Variants in PTPRT observed in about 807,000 individuals in gnomAD.
PTPRT encodes the protein protein tyrosine phosphatase receptor type T.
A neutral mutation model predicts 176.8 loss-of-function variants in PTPRT; 56 were observed. That is an observed-to-expected ratio of 0.32 (90% CI 0.26 to 0.40). PTPRT has a LOEUF of 0.40. Among genes scored for constraint, PTPRT ranks in the 10% least tolerant of loss-of-function variants. PTPRT has a pLI of 1.00. For missense variants in PTPRT, 1,540 were observed against 1,908.2 expected, an observed-to-expected ratio of 0.81 and a Z score of 3.60; for synonymous variants, 783 against 739.0, an observed-to-expected ratio of 1.06 and a Z score of -0.96.
chr20:42,934,938 C>A (rs1294301924), intron 1 of PTPRT, among the ~76,000 whole-genome samples: 1 of 151,746 alleles, frequency 6.6e-6, no homozygotes, highest in South Asian at 2.1e-4. Flanking sequence ...AAAATCTGGG[C>A]ATAGTGGCGG....
intron 15 of PTPRT, among the ~76,000 whole-genome samples, chr20:42,209,566 T>G (rs991909966): frequency 1.3e-5 from 2 of 152,110 alleles, no homozygotes; most frequent in African/African-American, 4.8e-5. Context: ...ATAAATTCCT[T>G]GACACATACA....
intron 9 of PTPRT, among the ~76,000 whole-genome samples, chr20:42,358,680 T>C (rs1361762110): frequency 6.6e-6 from 1 of 152,196 alleles, no homozygotes; most frequent in Non-Finnish European, 1.5e-5. Context: ...AGGGATGCTT[T>C]TGTGCAAAGT....
intron 1 of PTPRT, among the ~76,000 whole-genome samples, chr20:43,165,155 T>A (rs1160594071): frequency 6.7e-6 from 1 of 148,668 alleles, no homozygotes; most frequent in Non-Finnish European, 1.5e-5. Flanking sequence ...CATCTGCACA[T>A]ACTTTTTTTT....
chr20:43,094,894 T>C (rs1394951933), intron 1 of PTPRT, among the ~76,000 whole-genome samples: 1 of 151,336 alleles, frequency 6.6e-6, no homozygotes, highest in Admixed American at 6.6e-5. Context: ...GTGCACAGAG[T>C]ATGGAAGAAG....
At chr20:42,159,857 G>A (rs1036576347) in intron 17 of PTPRT, among the ~76,000 whole-genome samples, 10 of 151,934 alleles carry the variant, frequency 6.6e-5, no homozygotes, top group South Asian at 2.1e-4. Flanking sequence ...TTCTTCATTC[G>A]ACTAATAAAG....
chr20:42,598,417 T>A (rs1331269071), intron 7 of PTPRT, among the ~76,000 whole-genome samples: 1 of 152,148 alleles, frequency 6.6e-6, no homozygotes, highest in Non-Finnish European at 1.5e-5. Flanking sequence ...GTTTTTTAAA[T>A]GCGAGAGTAT....
intron 1 of PTPRT, among the ~76,000 whole-genome samples, chr20:43,027,876 A>G (rs1172873401): frequency 6.6e-6 from 1 of 152,160 alleles, no homozygotes; most frequent in Non-Finnish European, 1.5e-5. Flanking sequence ...TACCTTCTGG[A>G]ATAAATCTCA....
At chr20:42,179,495 C>T (rs866733950) in intron 16 of PTPRT, among the ~76,000 whole-genome samples, 2 of 152,164 alleles carry the variant, frequency 1.3e-5, no homozygotes, top group Non-Finnish European at 2.9e-5. Flanking sequence ...TTCCCTAAGA[C>T]AATGAATTAG....
At chr20:43,133,592 A>T (rs1179971590) in intron 1 of PTPRT, among the ~76,000 whole-genome samples, 3 of 152,050 alleles carry the variant, frequency 2.0e-5, no homozygotes, top group Non-Finnish European at 4.4e-5. Context: ...CTAAAAATAC[A>T]AAACATTAGC....
intron 1 of PTPRT, among the ~76,000 whole-genome samples, chr20:42,981,989 G>A (rs1447987901): frequency 2.6e-5 from 4 of 152,152 alleles, no homozygotes; most frequent in African/African-American, 7.2e-5. Context: ...ACTAGACCGA[G>A]GGAAGAAGAC....
At chr20:42,293,977 A>C (rs2057352855) in intron 12 of PTPRT, among the ~76,000 whole-genome samples, 1 of 152,216 alleles carries the variant, frequency 6.6e-6, no homozygotes, top group South Asian at 2.1e-4. Context: ...AGAAAAAAAT[A>C]AAATTGTACA....
chr20:42,079,385 A>C lies in PTPRT; in HGVS notation c.*1494T>G. On this transcript the variant is annotated 3_prime_UTR_variant, in exon 31 of 31. Coordinates refer to ENST00000373187, the MANE Select transcript of PTPRT (RefSeq NM_007050.6). ...GAAGAAAACAGCACGGAGAAGTCTC[A>C]TTGCCATTACCTGCCCCTTTGGAAC... 2 of 213,072 alleles carry C rather than the reference A, an allele frequency of 9.4e-6. No homozygotes were observed. The highest frequency in any genetic ancestry group is 1.9e-5 in the Non-Finnish European group (2 of 105,166). The allele number at this position is 213,072 out of a possible 1,614,324, so 13.2% of individuals were successfully genotyped here.
intron 1 of PTPRT, among the ~76,000 whole-genome samples, chr20:42,895,867 AT>A (rs2079286928): frequency 6.6e-6 from 1 of 152,192 alleles, no homozygotes; most frequent in Non-Finnish European, 1.5e-5. Flanking sequence ...CTTTAACGAC[AT>A]AAAAATTCCC....
At chr20:42,900,446 C>G (rs533036862) in intron 1 of PTPRT, among the ~76,000 whole-genome samples, 2 of 152,174 alleles carry the variant, frequency 1.3e-5, no homozygotes, top group Non-Finnish European at 2.9e-5. Flanking sequence ...GTCCTGTCAT[C>G]TCTCTACCCC....
At chr20:42,913,768 CTGTT>C (rs879940748) in intron 1 of PTPRT, among the ~76,000 whole-genome samples, 7 of 152,100 alleles carry the variant, frequency 4.6e-5, no homozygotes, top group African/African-American at 1.2e-4. Context: ...TTGAGAAAAG[CTGTT>C]TGTTTATGTT....
At chr20:42,699,591 T>C (rs1200765500) in intron 6 of PTPRT, among the ~76,000 whole-genome samples, 1 of 152,146 alleles carries the variant, frequency 6.6e-6, no homozygotes, top group Non-Finnish European at 1.5e-5. Context: ...AGAGAACAGA[T>C]GGGAAAAACT....
chr20:42,730,516 G>A (rs1405586800), intron 6 of PTPRT, among the ~76,000 whole-genome samples: 1 of 152,210 alleles, frequency 6.6e-6, no homozygotes, highest in African/African-American at 2.4e-5. Context: ...AGAGCAAAGG[G>A]AATTGGAAGA....
chr20:42,696,465 T>TTTC (rs1569091350), intron 6 of PTPRT, among the ~76,000 whole-genome samples: 4 of 79,970 alleles, frequency 5.0e-5, no homozygotes, highest in African/African-American at 2.8e-4. Context: ...ATTATTTTTT[T>TTTC]TTTTTTTTGA....
chr20:42,947,709 A>G (rs568242107), intron 1 of PTPRT, among the ~76,000 whole-genome samples: 51 of 152,284 alleles, frequency 3.3e-4, no homozygotes, highest in African/African-American at 1.2e-3. Context: ...ACTTCTTGCA[A>G]GAATTGTGCT....
Sources: gnomAD v4.1 joint callset for allele counts (sites outside exome capture counted in the v4.1 genomes callset) on GRCh38, gnomAD v4.1.1 for gene constraint, MANE v1.5 for transcripts, NCBI Gene and HGNC (gene_info 2026-07-23, HGNC 2026-07-21) for gene names.